ZNF385D: variants seen among roughly 807,000 people sequenced by gnomAD.
The protein encoded by ZNF385D is zinc finger protein 659.
A neutral mutation model predicts 35.8 loss-of-function variants in ZNF385D; 15 were observed. That is an observed-to-expected ratio of 0.42 (90% CI 0.28 to 0.64). ZNF385D has a LOEUF of 0.64. Among genes scored for constraint, ZNF385D ranks in the 30% least tolerant of loss-of-function variants. The probability of loss-of-function intolerance (pLI) is 0.23; values close to 1 mark genes in which losing one functional copy is unlikely to be tolerated. For synonymous variants in ZNF385D, 212 were observed against 186.8 expected (o/e 1.13, Z -1.10); for missense variants, 474 against 494.6 (o/e 0.96, Z 0.39).
intron 3 of ZNF385D, chr3:21,979,797 G>C (rs946983126): frequency 6.7e-6 from 1 of 149,294 alleles, no homozygotes; most frequent in South Asian, 2.1e-4. Context: ...TATGGGTCTT[G>C]CCTTCACCAA....
chr3:21,956,517 A>T (rs148991855), intron 3 of ZNF385D, among the ~76,000 whole-genome samples: 2 of 152,194 alleles, frequency 1.3e-5, no homozygotes, highest in African/African-American at 4.8e-5. Flanking sequence ...TAACCTTGGA[A>T]AAACTAAATA....
intron 3 of ZNF385D, among the ~76,000 whole-genome samples, chr3:21,940,984 A>G (rs561540413): frequency 7.2e-4 from 110 of 152,340 alleles, no homozygotes; most frequent in African/African-American, 2.5e-3. Flanking sequence ...AAGAATATTA[A>G]ATCTAAAGTG....
At chr3:21,644,502 G>A (rs926804246) in intron 2 of ZNF385D, among the ~76,000 whole-genome samples, 6 of 152,124 alleles carry the variant, frequency 3.9e-5, no homozygotes, top group Admixed American at 1.3e-4. Flanking sequence ...GGAAACCAGA[G>A]TACCCAGAGA....
At chr3:21,728,778 C>A (rs2068870937) in intron 1 of ZNF385D, among the ~76,000 whole-genome samples, 1 of 152,226 alleles carries the variant, frequency 6.6e-6, no homozygotes, top group Non-Finnish European at 1.5e-5. Flanking sequence ...ATGAGGCCCA[C>A]TCCTGCAAGC....
chr3:21,447,006 C>G (rs1354866291), intron 4 of ZNF385D, among the ~76,000 whole-genome samples: 2 of 152,078 alleles, frequency 1.3e-5, no homozygotes, highest in Non-Finnish European at 2.9e-5. Flanking sequence ...CCACTTTGTT[C>G]ACAGATGTTT....
chr3:22,095,403 G>A (rs1291719274), intron 3 of ZNF385D, among the ~76,000 whole-genome samples: 2 of 151,384 alleles, frequency 1.3e-5, no homozygotes, highest in African/African-American at 4.9e-5. Context: ...TGGTAACTTA[G>A]GCACTAACTT....
intron 1 of ZNF385D, among the ~76,000 whole-genome samples, chr3:21,719,418 A>G (rs1192081139): frequency 6.6e-6 from 1 of 152,250 alleles, no homozygotes; most frequent in Non-Finnish European, 1.5e-5. Context: ...AATAAGCCTC[A>G]GCATTTGCAC....
chr3:22,223,431 T>C (rs1477442901), intron 2 of ZNF385D, among the ~76,000 whole-genome samples: 8 of 152,112 alleles, frequency 5.3e-5, no homozygotes, highest in Admixed American at 4.6e-4. Flanking sequence ...CTGTATCACG[T>C]ACTTGCTGAA....
intron 4 of ZNF385D, among the ~76,000 whole-genome samples, chr3:21,463,147 A>C (rs1050639564): frequency 6.6e-6 from 1 of 152,178 alleles, no homozygotes; most frequent in Admixed American, 6.5e-5. Flanking sequence ...ATTTTATTAG[A>C]TGTAGTAATT....
intron 1 of ZNF385D, among the ~76,000 whole-genome samples, chr3:21,747,962 A>C (rs998280440): frequency 5.3e-5 from 8 of 152,116 alleles, no homozygotes; most frequent in African/African-American, 1.9e-4. Context: ...TTTTACAGTA[A>C]ATCCCACTCA....
intron 2 of ZNF385D, among the ~76,000 whole-genome samples, chr3:22,206,454 T>C (rs1697160309): frequency 6.6e-6 from 1 of 151,958 alleles, no homozygotes; most frequent in African/African-American, 2.4e-5. Flanking sequence ...ACAGAGAATT[T>C]CATCCAGTTG....
At chr3:21,477,137 T>C (rs1478213832) in intron 4 of ZNF385D, among the ~76,000 whole-genome samples, 1 of 152,170 alleles carries the variant, frequency 6.6e-6, no homozygotes, top group East Asian at 1.9e-4. Flanking sequence ...TCCCAGTTAA[T>C]GGAAGGTTGA....
chr3:21,754,274 T>C (rs1392181040), upstream of ZNF385D, among the ~76,000 whole-genome samples: 3 of 152,196 alleles, frequency 2.0e-5, no homozygotes, highest in African/African-American at 7.2e-5. Context: ...CTTTCATATG[T>C]CATCTCAAGG....
At chr3:22,065,741 A>G (rs375082427) in intron 3 of ZNF385D, among the ~76,000 whole-genome samples, 18 of 152,294 alleles carry the variant, frequency 1.2e-4, no homozygotes, top group African/African-American at 3.8e-4. Flanking sequence ...CACTGCATAA[A>G]AAAACCAGCA....
intron 3 of ZNF385D, among the ~76,000 whole-genome samples, chr3:22,140,091 A>T (rs1358502937): frequency 6.6e-6 from 1 of 152,214 alleles, no homozygotes; most frequent in Non-Finnish European, 1.5e-5. Context: ...CATCAATTTC[A>T]TTCCTAAATA....
intron 3 of ZNF385D, among the ~76,000 whole-genome samples, chr3:21,563,715 C>T (rs370160510): frequency 3.3e-5 from 5 of 152,110 alleles, no homozygotes; most frequent in African/African-American, 1.2e-4. Flanking sequence ...AATGGTACCT[C>T]GATAGGATGG....
chr3:22,233,077 A>T (rs181514841), intron 2 of ZNF385D, among the ~76,000 whole-genome samples: 4 of 151,748 alleles, frequency 2.6e-5, no homozygotes, highest in Admixed American at 6.6e-5. Flanking sequence ...TTTTACTATA[A>T]TTTTTTTTGT....
At position 21,825,967 on chromosome 3, in the gene ZNF385D, C is replaced by G. The variant is rs1229570794; in HGVS notation, c.326-160939G>C. Among the ~76,000 whole-genome samples the G allele has an allele frequency of 2.0e-5, 3 of 152,264 alleles. No individual in the cohort carries two copies. The East Asian group carries it at 5.8e-4, about 29-fold the overall frequency. On this transcript the variant is annotated intron_variant, in intron 3 of 5. Transcript: ENST00000494108. ...GTTGTGAACTGTGCATGCGAGGGAT[C>G]TAGGTTGGGGCTAGAGAATCTAATG...
intron 4 of ZNF385D, among the ~76,000 whole-genome samples, chr3:21,464,930 G>C (rs1490970083): frequency 3.9e-5 from 6 of 152,068 alleles, no homozygotes; most frequent in Non-Finnish European, 8.8e-5. Flanking sequence ...CTCAGTGGGG[G>C]TGCAGACAGA....
Sources: allele counts gnomAD v4.1 joint callset (sites outside exome capture counted in the v4.1 genomes callset), GRCh38; gene constraint gnomAD v4.1.1; transcripts MANE v1.5; gene names NCBI Gene and HGNC (gene_info 2026-07-23, HGNC 2026-07-21).